SLC6A11: variants seen among roughly 807,000 people sequenced by gnomAD.
The protein encoded by SLC6A11 is sodium- and chloride-dependent GABA transporter 3.
In SLC6A11, 25 loss-of-function variants were observed where a neutral mutation model predicts 74.8. The observed-to-expected ratio is 0.33, with a 90% CI of 0.24 to 0.47. The LOEUF is 0.47. Among genes scored for constraint, SLC6A11 ranks in the 20% least tolerant of loss-of-function variants. SLC6A11 has a pLI of 1.00. For missense variants in SLC6A11, 574 were observed against 837.0 expected, an observed-to-expected ratio of 0.69 and a Z score of 3.88; for synonymous variants, 330 against 330.2, an observed-to-expected ratio of 1.00 and a Z score of 0.01.
chr3:10,837,393 C>T (rs1198818559), intron 4 of SLC6A11, among the ~76,000 whole-genome samples: 1 of 152,138 alleles, frequency 6.6e-6, no homozygotes, highest in African/African-American at 2.4e-5. Context: ...GGTACTGGCT[C>T]CACTGACACT....
intron 6 of SLC6A11, among the ~76,000 whole-genome samples, chr3:10,903,516 C>A (rs1419644855): frequency 6.6e-6 from 1 of 152,196 alleles, no homozygotes; most frequent in East Asian, 1.9e-4. Context: ...AGTGTAAGCT[C>A]CTTAAGGGTA....
chr3:10,838,344 C>A (rs868445236), intron 4 of SLC6A11, among the ~76,000 whole-genome samples: 1 of 152,210 alleles, frequency 6.6e-6, no homozygotes, highest in Non-Finnish European at 1.5e-5. Context: ...CACTGTCCTT[C>A]GACCATCAGG....
intron 3 of SLC6A11, 121 bp from the exon 4 acceptor site, chr3:10,823,181 C>A: frequency 1.4e-6 from 1 of 691,230 alleles, no homozygotes. Flanking sequence ...CCCTTTGACG[C>A]ATGTTTACCT....
At chr3:10,907,540 T>C (rs866509468) in intron 6 of SLC6A11, among the ~76,000 whole-genome samples, 33 of 152,182 alleles carry the variant, frequency 2.2e-4, no homozygotes, top group African/African-American at 7.7e-4. Context: ...TGAAAAAATA[T>C]ACCATGAGCC....
At chr3:10,896,463 A>T (rs7631023) in intron 6 of SLC6A11, among the ~76,000 whole-genome samples, 5,953 of 152,280 alleles carry the variant, frequency 0.039, 400 homozygotes, top group African/African-American at 0.14. Flanking sequence ...CCATAAAGAA[A>T]CTGAGGCTCA....
chr3:10,877,958 G>C (rs914295567), intron 6 of SLC6A11, among the ~76,000 whole-genome samples: 1 of 152,064 alleles, frequency 6.6e-6, no homozygotes, highest in African/African-American at 2.4e-5. Flanking sequence ...CGTCCTTGTT[G>C]CTCTCCACCC....
chr3:10,892,232 A>G (rs527323842), intron 6 of SLC6A11, among the ~76,000 whole-genome samples: 1 of 152,220 alleles, frequency 6.6e-6, no homozygotes, highest in Non-Finnish European at 1.5e-5. Flanking sequence ...CACTTCTCAT[A>G]TGCAAGCCAA....
chr3:10,917,309 A>C (rs1695469728), intron 7 of SLC6A11, among the ~76,000 whole-genome samples: 1 of 152,192 alleles, frequency 6.6e-6, no homozygotes, highest in African/African-American at 2.4e-5. Context: ...GCTGTCCAAC[A>C]AGGGGAAAGT....
chr3:10,937,094 G>A (rs370894913), intron 13 of SLC6A11, among the ~76,000 whole-genome samples: 89 of 152,276 alleles, frequency 5.8e-4, no homozygotes, highest in African/African-American at 2.0e-3. Context: ...ACAGAGGTGC[G>A]TCAGTGATGC....
At chr3:10,885,938 C>T (rs1280581618) in intron 6 of SLC6A11, among the ~76,000 whole-genome samples, 1 of 152,204 alleles carries the variant, frequency 6.6e-6, no homozygotes, top group African/African-American at 2.4e-5. Flanking sequence ...CTGTGCACAG[C>T]TCCCTTTCCA....
intron 6 of SLC6A11, among the ~76,000 whole-genome samples, chr3:10,892,233 T>C (rs551749526): frequency 3.9e-5 from 6 of 152,370 alleles, no homozygotes; most frequent in African/African-American, 1.4e-4. Context: ...ACTTCTCATA[T>C]GCAAGCCAAG....
Position 10,926,117 on chromosome 3 carries a change from G to A in SLC6A11, c.1233+1G>A. ...CATCTTCCTGGGCCTGGACAGCCAG[G>A]TAAGGGGCCATGGGGATGGGGAGCC... is the stretch of plus-strand genomic sequence containing the variant. On this transcript the variant is annotated splice_donor_variant, in intron 9 of 13. Coordinates refer to ENST00000254488, the MANE Select transcript of SLC6A11 (RefSeq NM_014229.3). LOFTEE classifies it high-confidence loss of function. This position sits in a 1 kb window ranked among gnomAD's most constrained non-coding sequence, Gnocchi z 5.7. 1 of 1,601,646 alleles carries A rather than the reference G, an allele frequency of 6.2e-7. No individual in the cohort carries two copies. Among genetic ancestry groups the A allele is most frequent in the Non-Finnish European group, 8.6e-7 (1 of 1,169,322 alleles).
intron 8 of SLC6A11, among the ~76,000 whole-genome samples, chr3:10,924,933 T>C (rs1185365357): frequency 6.6e-6 from 1 of 152,238 alleles, no homozygotes; most frequent in Non-Finnish European, 1.5e-5. Context: ...TTGGAATTTC[T>C]TAGAACGTTA....
intron 4 of SLC6A11, among the ~76,000 whole-genome samples, chr3:10,836,423 C>T (rs192407467): frequency 9.0e-4 from 137 of 152,276 alleles, no homozygotes; most frequent in Non-Finnish European, 1.5e-3. Context: ...TAAGAAAGTG[C>T]CAAATTGCTT....
In SLC6A11 at chr3:10,926,025, C is replaced by G; in HGVS notation, c.1142C>G (p.Ala381Gly). The stretch of plus-strand genomic sequence containing the variant: ...CCAGGCCCCGGCCTGGCCTTTATTG[C>G]GTACCCCAAGGCGGTCACCATGATG... Reference protein sequence around the residue: ...AESGPGLAFIAYPKAVTMMPL... With the variant: ...AESGPGLAFIGYPKAVTMMPL... Residue 381 changes from alanine to glycine, a missense_variant, in exon 9 of 14, where the codon GCG (alanine) becomes GGG (glycine). Coordinates refer to ENST00000254488, the MANE Select transcript of SLC6A11 (RefSeq NM_014229.3). This position sits in a 1 kb window ranked among gnomAD's most constrained non-coding sequence, Gnocchi z 5.7. 6.2e-7 allele frequency: 1 copy of G among 1,611,474 alleles called. No individual in the cohort carries two copies. Among genetic ancestry groups the G allele is most frequent in the Non-Finnish European group, 8.5e-7 (1 of 1,177,982 alleles).
At chr3:10,823,753 TA>T (rs1694168196) in intron 4 of SLC6A11, 1 of 218,510 alleles carries the variant, frequency 4.6e-6, no homozygotes, top group Admixed American at 5.1e-5. Flanking sequence ...CTGGAAAGCA[TA>T]AGTCTCTAGA....
chr3:10,902,176 CAAGCTCTGATCTGGCTTCTTGGATCCAA>C (rs1240175470), intron 6 of SLC6A11, among the ~76,000 whole-genome samples: 2 of 152,140 alleles, frequency 1.3e-5, no homozygotes, highest in Non-Finnish European at 2.9e-5. Context: ...AGGAGGGCCC[CAAGCTCTGATCTGGCTTCTTGGATCCAA>C]AAGCCCATAC....
At chr3:10,873,845 CTGCTA>C (rs1694872410) in intron 5 of SLC6A11, among the ~76,000 whole-genome samples, 1 of 151,856 alleles carries the variant, frequency 6.6e-6, no homozygotes, top group East Asian at 1.9e-4. Flanking sequence ...ATGCTCTGCT[CTGCTA>C]TGCTATGCTA....
At chr3:10,891,919 G>A (rs1017196243) in intron 6 of SLC6A11, among the ~76,000 whole-genome samples, 32 of 152,212 alleles carry the variant, frequency 2.1e-4, no homozygotes, top group Non-Finnish European at 4.0e-4. Context: ...GCTGTGGAAA[G>A]CATCAAATAG....
Sources: gnomAD v4.1 joint callset for allele counts (sites outside exome capture counted in the v4.1 genomes callset) on GRCh38, gnomAD v4.1.1 for gene constraint, Gnocchi (gnomAD v3.1) non-coding constraint, MANE v1.5 for transcripts, NCBI Gene and HGNC (gene_info 2026-07-23, HGNC 2026-07-21) for gene names.